Variants in MYOM2 observed in about 807,000 individuals in gnomAD.
The protein encoded by MYOM2 is myomesin-2.
A neutral mutation model predicts 187.6 loss-of-function variants in MYOM2; 254 were observed. The ratio of observed to expected loss-of-function variants is 1.35; its 90% CI spans 1.22 to 1.50. The LOEUF is 1.50. Among genes scored for constraint, MYOM2 ranks in the 40% most tolerant of loss-of-function variants. The probability of loss-of-function intolerance (pLI) is 0.00; values close to 1 mark genes in which losing one functional copy is unlikely to be tolerated. For synonymous variants in MYOM2, 981 were observed against 753.8 expected, an observed-to-expected ratio of 1.30 and a Z score of -4.94; for missense variants, 2,796 against 1,924.0, an observed-to-expected ratio of 1.45 and a Z score of -8.48.
chr8:2,094,071 T>TA lies in MYOM2; in HGVS notation c.2109dup (p.Val704SerfsTer20). 11 of 1,614,108 alleles carry TA rather than the reference T, an allele frequency of 6.8e-6. No homozygotes were observed. The highest frequency in any genetic ancestry group is 9.3e-6 in the Non-Finnish European group (11 of 1,180,028). On this transcript the variant is annotated frameshift_variant, in exon 17 of 37. Coordinates refer to ENST00000262113, the MANE Select transcript of MYOM2 (RefSeq NM_003970.4). LOFTEE classifies it high-confidence loss of function. The stretch of plus-strand genomic sequence containing the variant: ...GAAAATTCCCAGGAATCAGACGTCA[T>TA]AAAAGTGCAGGCCGCACTCAGTAAG...
At chr8:2,113,393 G>C (rs1374235484) in intron 25 of MYOM2, among the ~76,000 whole-genome samples, 9 of 152,242 alleles carry the variant, frequency 5.9e-5, no homozygotes, top group Non-Finnish European at 1.5e-5. Context: ...CAAAGGCTGA[G>C]TGAGCAGAGG....
intron 21 of MYOM2, among the ~76,000 whole-genome samples, chr8:2,104,505 G>A (rs764631571): frequency 1.8e-4 from 28 of 151,920 alleles, no homozygotes; most frequent in Non-Finnish European, 3.2e-4. Context: ...CTCAGGAGGC[G>A]GAGGCAGGAG....
rs368706956 is a variant in MYOM2 at position 2,076,234 on chromosome 8, C to T, written c.1214C>T (p.Pro405Leu). Residue 405 changes from proline (P) to leucine (L), a missense_variant, in exon 11 of 37, where the codon CCG becomes CTG. Pro to Leu is a moderately conservative substitution (Grantham distance 98). Coordinates refer to ENST00000262113, the MANE Select transcript of MYOM2 (RefSeq NM_003970.4). The part of the protein sequence containing the change: ...NRDYVIVTWK[P>L]PNTTTESPVM... ...GACTACGTCATCGTGACCTGGAAGC[C>T]GCCCAACACCACCACTGAGAGCCCC... 4.2e-5 allele frequency: 67 copies of T among 1,613,690 alleles called. No individual in the cohort carries two copies. The highest frequency in any genetic ancestry group is 1.3e-4 in the Admixed American group (8 of 59,986).
intron 13 of MYOM2, among the ~76,000 whole-genome samples, chr8:2,084,498 T>C (rs1819739877): frequency 1.3e-5 from 2 of 152,170 alleles, no homozygotes; most frequent in Non-Finnish European, 2.9e-5. Context: ...ATAATATTTT[T>C]TATCACAATT....
In MYOM2 at chr8:2,096,416, C is replaced by G. The variant is rs756667567; in HGVS notation, c.2295C>G (p.Ser765Arg). The G allele has an allele frequency of 3.0e-5, 48 of 1,614,048 alleles. No individual in the cohort carries two copies. In the Admixed American group the frequency reaches 7.5e-4, roughly 25 times the overall value. Reference sequence around the variant, plus strand: ...GGCACGAGGTCAATTCCTCACCCAGCAAACCGACAATCCTAACGGTCAGTT... The same window carrying G: ...GGCACGAGGTCAATTCCTCACCCAGGAAACCGACAATCCTAACGGTCAGTT... ...KNWHEVNSSP[S>R]KPTILTVDGL... Residue 765 changes from serine (S) to arginine (R), a missense_variant, in exon 18 of 37, where the codon AGC becomes AGG. Coordinates refer to ENST00000262113, the MANE Select transcript of MYOM2 (RefSeq NM_003970.4).
At chr8:2,096,561 C>T (rs999825063) in intron 18 of MYOM2, 127 bp downstream of exon 18, 4 of 884,206 alleles carry the variant, frequency 4.5e-6, no homozygotes, top group Non-Finnish European at 6.9e-6. Context: ...AAAATAGCAT[C>T]ATGAGATCAT....
chr8:2,110,055 G>T (rs1279677932), intron 25 of MYOM2, among the ~76,000 whole-genome samples: 1 of 152,184 alleles, frequency 6.6e-6, no homozygotes, highest in African/African-American at 2.4e-5. Context: ...AGGCATGGCG[G>T]CTCTCACCTG....
chr8:2,080,572 G>A (rs1352854244), intron 13 of MYOM2, among the ~76,000 whole-genome samples: 1 of 152,216 alleles, frequency 6.6e-6, no homozygotes, highest in African/African-American at 2.4e-5. Context: ...TAGAACTCAG[G>A]AAGGACACTC....
intron 28 of MYOM2, among the ~76,000 whole-genome samples, chr8:2,119,670 G>T (rs548007853): frequency 1.8e-4 from 27 of 152,136 alleles, no homozygotes; most frequent in Non-Finnish European, 4.0e-4. Context: ...GGGGAGTCAG[G>T]GTGGCTTTGT....
chr8:2,100,801 C>G lies in MYOM2; in HGVS notation c.2441-75C>G, dbSNP rs1010537235. On this transcript the variant is annotated intron_variant, in intron 19 of 36. Transcript: ENST00000262113. ...GGGCTTCCCAGAGGAGCAGTGGGTC[C>G]CCGGGGCTGGGTTGGGCGGTGGGTG... The G allele has an allele frequency of 6.0e-6, 9 of 1,488,856 alleles. No homozygotes were observed. In the African/African-American group the frequency reaches 6.9e-5, roughly 11 times the overall value. The allele number at this position is 1,488,856 out of a possible 1,614,324, so 92.2% of individuals were successfully genotyped here. A position where few individuals can be genotyped will look rare whatever the true frequency, so the allele number is the denominator to read the frequency against.
intron 6 of MYOM2, among the ~76,000 whole-genome samples, chr8:2,060,052 A>C (rs34402317): frequency 0.054 from 8,218 of 152,186 alleles, 302 homozygotes; most frequent in Middle Eastern, 0.12. Flanking sequence ...CACACATTTC[A>C]TTTTTTAAAT....
At position 2,096,303 on chromosome 8, in the gene MYOM2, A is replaced by C. The variant is rs749930306; in HGVS notation, c.2182A>C (p.Thr728Pro). The change falls in exon 18 of 37, where the codon ACC (threonine) becomes CCC (proline). Residue 728 changes from threonine (T) to proline (P), a missense_variant. Physicochemically the swap from Thr to Pro is conservative, Grantham distance 38. Coordinates refer to ENST00000262113, the MANE Select transcript of MYOM2 (RefSeq NM_003970.4). ...CCTCAACTGTGACGGCCACTCCATG[A>C]CCCTCGGCTGGAAGGTCCCGAAATT... ...TLLNCDGHSM[T>P]LGWKVPKFSG... 9 of 1,614,102 alleles carry C rather than the reference A, an allele frequency of 5.6e-6. No individual in the cohort carries two copies. The highest frequency in any genetic ancestry group is 7.6e-6 in the Non-Finnish European group (9 of 1,180,026).
At chr8:2,090,771 C>T (rs1796274528) in intron 15 of MYOM2, among the ~76,000 whole-genome samples, 1 of 152,216 alleles carries the variant, frequency 6.6e-6, no homozygotes, top group African/African-American at 2.4e-5. Context: ...CCTCCAGCTT[C>T]ACTCATATTC....
chr8:2,117,962 C>G lies in MYOM2; in HGVS notation c.3453+10C>G. 1 of 1,609,970 alleles carries G rather than the reference C, an allele frequency of 6.2e-7. No homozygotes were observed. Among genetic ancestry groups the G allele is most frequent in the South Asian group, 1.1e-5 (1 of 90,656 alleles). On this transcript the variant is annotated intron_variant, in intron 28 of 36. Coordinates refer to ENST00000262113, the MANE Select transcript of MYOM2 (RefSeq NM_003970.4). ...TCGACTTGTTTGCAAGGTGAGAAAC[C>G]CGGTTCTAACAGGAAAACAATAAAT...
intron 28 of MYOM2, among the ~76,000 whole-genome samples, chr8:2,123,049 A>G (rs1797511142): frequency 6.6e-6 from 1 of 152,160 alleles, no homozygotes; most frequent in Admixed American, 6.5e-5. Flanking sequence ...TGAGGACTTA[A>G]TTTTCTTAGA....
At chr8:2,101,094 C>A in intron 20 of MYOM2, 40 bp downstream of exon 20, 1 of 1,604,332 alleles carries the variant, frequency 6.2e-7, no homozygotes, top group Non-Finnish European at 8.5e-7. Flanking sequence ...GCCTGTAATC[C>A]CAGCACTTTG....
At chr8:2,117,444 G>C (rs1017901308) in intron 27 of MYOM2, among the ~76,000 whole-genome samples, 1 of 152,206 alleles carries the variant, frequency 6.6e-6, no homozygotes, top group Non-Finnish European at 1.5e-5. Flanking sequence ...AAAATTGCTA[G>C]GTCAAACTGT....
Position 2,077,791 on chromosome 8 carries a change from G to A in MYOM2, c.1263-943G>A, listed in dbSNP as rs554794235. 7.2e-5 allele frequency among the ~76,000 whole-genome samples: 11 copies of A among 152,318 alleles called. No homozygotes were observed. In the East Asian group the frequency reaches 2.1e-3, roughly 29 times the overall value. On this transcript the variant is annotated intron_variant, in intron 11 of 36. Transcript: ENST00000262113. ...GCAACGGAACACTTTGGGAATGAGG[G>A]TGCATTTGGAAGTGGGGGGTGCAGC...
At chr8:2,068,153 G>A (rs139398444) in intron 6 of MYOM2, among the ~76,000 whole-genome samples, 48 of 150,276 alleles carry the variant, frequency 3.2e-4, no homozygotes, top group Admixed American at 1.4e-3. Context: ...CATACCGGGG[G>A]GCGGCAGCTC....
Sources: gnomAD v4.1 joint callset for allele counts (sites outside exome capture counted in the v4.1 genomes callset) on GRCh38, gnomAD v4.1.1 for gene constraint, MANE v1.5 for transcripts, NCBI Gene and HGNC (gene_info 2026-07-23, HGNC 2026-07-21) for gene names.